The following TMED3 variants were observed in gnomAD, a reference collection of about 807,000 sequenced individuals.
TMED3 encodes the protein transmembrane p24 trafficking protein 3.
A neutral mutation model predicts 15.0 loss-of-function variants in TMED3; 9 were observed. The observed-to-expected ratio is 0.60, with a 90% CI of 0.36 to 1.04. The LOEUF (loss-of-function observed/expected upper bound fraction) is 1.04, where lower values mean the gene tolerates loss of function less well. Among genes scored for constraint, TMED3 ranks in the 50% least tolerant of loss-of-function variants. The pLI is 0.01. For synonymous variants in TMED3, 117 were observed against 121.4 expected (o/e 0.96, Z 0.24); for missense variants, 267 against 278.9 (o/e 0.96, Z 0.30).
intron 2 of TMED3, chr15:79,384,693 A>C (rs1178658139): frequency 6.6e-6 from 1 of 152,258 alleles, no homozygotes; most frequent in Non-Finnish European, 1.5e-5. Context: ...TAGAAAAATC[A>C]AATAAAATTT....
At chr15:79,344,350 C>T (rs1459405384) in intron 2 of TMED3, among the ~76,000 whole-genome samples, 1 of 152,192 alleles carries the variant, frequency 6.6e-6, no homozygotes, top group East Asian at 1.9e-4. Flanking sequence ...TTTTTCCTCT[C>T]ACAGCTTTGG....
chr15:79,334,297 A>G (rs979168319), intron 2 of TMED3, among the ~76,000 whole-genome samples: 6 of 152,232 alleles, frequency 3.9e-5, no homozygotes, highest in Non-Finnish European at 8.8e-5. Context: ...GGAGAGGACT[A>G]GAACAGTCCT....
intron 2 of TMED3, among the ~76,000 whole-genome samples, chr15:79,329,736 T>C (rs1162873774): frequency 2.0e-5 from 3 of 152,150 alleles, no homozygotes; most frequent in Non-Finnish European, 2.9e-5. Flanking sequence ...ATTTCACCTG[T>C]CTACAGCCCC....
chr15:79,325,433 T>C (rs1456798179), downstream of TMED3, among the ~76,000 whole-genome samples: 3 of 146,926 alleles, frequency 2.0e-5, no homozygotes, highest in African/African-American at 4.9e-5. Flanking sequence ...AGGATGACTT[T>C]AGTGGGGAGG....
chr15:79,336,680 A>G (rs1436741687), intron 2 of TMED3, among the ~76,000 whole-genome samples: 1 of 150,792 alleles, frequency 6.6e-6, no homozygotes, highest in Non-Finnish European at 1.5e-5. Context: ...ACAGAGCAAG[A>G]CTCTGTCTCA....
At chr15:79,335,072 A>T (rs141811942) in intron 2 of TMED3, among the ~76,000 whole-genome samples, 1 of 152,344 alleles carries the variant, frequency 6.6e-6, no homozygotes, top group East Asian at 1.9e-4. Context: ...GTTATTAGGG[A>T]GAGCCAGACA....
chr15:79,334,133 C>T (rs1468751334), intron 2 of TMED3, among the ~76,000 whole-genome samples: 1 of 152,122 alleles, frequency 6.6e-6, no homozygotes, highest in Non-Finnish European at 1.5e-5. Flanking sequence ...AGGAAGATCC[C>T]TGTCTTCCCC....
intron 2 of TMED3, among the ~76,000 whole-genome samples, chr15:79,358,979 C>T (rs1893071386): frequency 1.3e-5 from 2 of 152,162 alleles, no homozygotes; most frequent in South Asian, 4.1e-4. Context: ...GCATGCCAAA[C>T]CTGCATCTAC....
At chr15:79,359,966 T>C (rs1205609118) in intron 2 of TMED3, among the ~76,000 whole-genome samples, 1 of 152,194 alleles carries the variant, frequency 6.6e-6, no homozygotes, top group Non-Finnish European at 1.5e-5. Flanking sequence ...AGTCTAATGA[T>C]GAATATAGTG....
chr15:79,340,025 C>T (rs893845167), intron 2 of TMED3, among the ~76,000 whole-genome samples: 2 of 152,168 alleles, frequency 1.3e-5, no homozygotes, highest in Admixed American at 1.3e-4. Flanking sequence ...CTGTGTGTCT[C>T]ACTGCTAGTA....
intron 2 of TMED3, among the ~76,000 whole-genome samples, chr15:79,314,896 A>G (rs111882830): frequency 1.3e-5 from 2 of 152,086 alleles, no homozygotes; most frequent in Non-Finnish European, 2.9e-5. Context: ...GAGGGCTAGG[A>G]CCCTGAATGA....
chr15:79,353,262 T>A (rs1400800948), intron 2 of TMED3, among the ~76,000 whole-genome samples: 5 of 47,026 alleles, frequency 1.1e-4, no homozygotes, highest in African/African-American at 1.8e-4. Context: ...ATAATATATA[T>A]TATATATAAT....
At chr15:79,388,313 C>A (rs1016290101) in intron 2 of TMED3, among the ~76,000 whole-genome samples, 14 of 152,044 alleles carry the variant, frequency 9.2e-5, no homozygotes, top group African/African-American at 3.4e-4. Flanking sequence ...AAGAGCTTAT[C>A]TTTAACCATT....
Position 79,322,110 on chromosome 15 carries a change from G to T in TMED3, c.550G>T (p.Val184Phe). 1.2e-6 allele frequency: 2 copies of T among 1,614,242 alleles called. No homozygotes were observed. Among genetic ancestry groups the T allele is most frequent in the South Asian group, 2.2e-5 (2 of 91,084 alleles). ...TAATAGCCGAGTCTCTTACTGGTCT[G>T]TTGGCGAGACGATTGCCCTGTTCGT... ...DLNSRVSYWS[V>F]GETIALFVVS... Residue 184 changes from valine (V) to phenylalanine (F), a missense_variant, in exon 3 of 3, where the codon GTT becomes TTT. Transcript: ENST00000299705.
chr15:79,379,176 A>T (rs1893477692), intron 2 of TMED3, among the ~76,000 whole-genome samples: 1 of 152,200 alleles, frequency 6.6e-6, no homozygotes. Flanking sequence ...AATCAATAAG[A>T]GTGGGGAAAA....
chr15:79,386,110 T>G lies in TMED3; in HGVS notation c.418-25290T>G, dbSNP rs1893623430. 2.6e-5 allele frequency among the ~76,000 whole-genome samples: 4 copies of G among 152,242 alleles called. No individual in the cohort carries two copies. In the South Asian group the frequency reaches 8.3e-4, roughly 32 times the overall value. ...AGGACTGAATGAATTACAGATAACC[T>G]GTATTTTCCAAGGGCTGGGGGCTGG... On this transcript the variant is annotated intron_variant, in intron 2 of 2. Coordinates refer to the TMED3 transcript ENST00000424155.
At chr15:79,362,486 A>G (rs571123520) in intron 2 of TMED3, among the ~76,000 whole-genome samples, 2 of 152,118 alleles carry the variant, frequency 1.3e-5, no homozygotes, top group African/African-American at 4.8e-5. Context: ...CTCTGTCTCT[A>G]AAAAAAGTTT....
intron 2 of TMED3, among the ~76,000 whole-genome samples, chr15:79,385,896 C>T (rs1893621250): frequency 2.0e-5 from 3 of 152,204 alleles, no homozygotes; most frequent in South Asian, 2.1e-4. Context: ...TCATTAGGTA[C>T]TATTTATTAT....
At chr15:79,389,661 A>G (rs1220013253) in intron 2 of TMED3, among the ~76,000 whole-genome samples, 2 of 151,936 alleles carry the variant, frequency 1.3e-5, no homozygotes, top group African/African-American at 4.8e-5. Context: ...GATTGTGTTG[A>G]ATTTGTATAT....
Sources: allele counts gnomAD v4.1 joint callset (sites outside exome capture counted in the v4.1 genomes callset), GRCh38; gene constraint gnomAD v4.1.1; transcripts MANE v1.5; gene names NCBI Gene and HGNC (gene_info 2026-07-23, HGNC 2026-07-21).